The following AGA variants were observed in gnomAD, a reference collection of about 807,000 sequenced individuals.
AGA encodes the protein N(4)-(beta-N-acetylglucosaminyl)-L-asparaginase.
Under a neutral mutation model 40.1 loss-of-function variants are expected in AGA, and 31 were observed. That is an observed-to-expected ratio of 0.77 (90% CI 0.58 to 1.04). AGA has a LOEUF of 1.04. AGA is among the 50% of genes least tolerant of loss of function. AGA has a pLI of 0.00. For synonymous variants in AGA, 148 were observed against 144.0 expected, an observed-to-expected ratio of 1.03 and a Z score of -0.20; for missense variants, 445 against 435.4, an observed-to-expected ratio of 1.02 and a Z score of -0.20.
chr4:177,431,619 CAT>C lies in AGA; in HGVS notation c.*87_*88del, dbSNP rs1560944837. ...TATTTTACAAAAAGACTTTAGAACA[CAT>C]GAGGAACACTAGATGATGAGAGTGA... On this transcript the variant is annotated 3_prime_UTR_variant, in exon 9 of 9. Coordinates refer to ENST00000264595, the MANE Select transcript of AGA (RefSeq NM_000027.4). 1 of 1,077,294 alleles carries C rather than the reference CAT, an allele frequency of 9.3e-7. No individual in the cohort carries two copies. Among genetic ancestry groups the C allele is most frequent in the East Asian group, 2.5e-5 (1 of 40,424 alleles). 66.7% of individuals were successfully genotyped at this position (1,077,294 alleles called of 1,614,324 possible).
rs373963391 is a variant in AGA, at chr4:177,434,362, C to T, written c.806+20G>A. 93 of 1,608,100 alleles carry T rather than the reference C, an allele frequency of 5.8e-5. No homozygotes were observed. The highest frequency in any genetic ancestry group is 7.4e-5 in the Non-Finnish European group (87 of 1,174,694). On this transcript the variant is annotated intron_variant, in intron 7 of 8. Transcript: ENST00000264595. ...ATCTTCTCCAAAGGTCTCTAAAATT[C>T]ACAAACTAAGAAGTCATACCTTGGC...
intron 8 of AGA, 116 bp from the exon 9 acceptor site, chr4:177,431,924 C>T: frequency 1.2e-6 from 1 of 852,776 alleles, no homozygotes; most frequent in Non-Finnish European, 1.9e-6. Flanking sequence ...ATGTCTAAGC[C>T]ACATGGAAAT....
At chr4:177,435,606 A>G (rs574347698) in intron 6 of AGA, among the ~76,000 whole-genome samples, 10 of 152,184 alleles carry the variant, frequency 6.6e-5, no homozygotes, top group Non-Finnish European at 1.0e-4. Flanking sequence ...AATTAAATCC[A>G]GAATGCCTTC....
chr4:177,440,650 G>A (rs1331550333), intron 1 of AGA, among the ~76,000 whole-genome samples: 1 of 143,782 alleles, frequency 7.0e-6, no homozygotes, highest in African/African-American at 2.6e-5. Context: ...GCAAGCTGAA[G>A]GTTTTTTTTT....
intron 1 of AGA, among the ~76,000 whole-genome samples, chr4:177,441,241 G>A (rs917876548): frequency 3.3e-5 from 5 of 152,104 alleles, no homozygotes; most frequent in Non-Finnish European, 7.3e-5. Context: ...ACTGTCCCCC[G>A]CCCAGGCTGA....
Position 177,431,203 on chromosome 4 carries a change from C to T in AGA, c.*505G>A, listed in dbSNP as rs1736619389. The T allele has an allele frequency of 2.3e-6, 1 of 441,230 alleles. No homozygotes were observed. Among genetic ancestry groups the T allele is most frequent in the Non-Finnish European group, 4.5e-6 (1 of 222,620 alleles). 27.3% of individuals were successfully genotyped at this position (441,230 alleles called of 1,614,324 possible). On this transcript the variant is annotated 3_prime_UTR_variant, in exon 9 of 9. Coordinates refer to ENST00000264595, the MANE Select transcript of AGA (RefSeq NM_000027.4). Reference sequence around the variant, plus strand: ...AGAGTATCTCATGTTCTATCATCTTCCTTCCTCAAGTTTTTAGGGAATATT... The same window carrying T: ...AGAGTATCTCATGTTCTATCATCTTTCTTCCTCAAGTTTTTAGGGAATATT...
chr4:177,440,522 T>C (rs1171031039), intron 1 of AGA, 96 bp from the exon 2 acceptor site: 2 of 1,348,308 alleles, frequency 1.5e-6, no homozygotes, highest in Admixed American at 2.0e-5. Context: ...CTTTTTCACA[T>C]TTACTGAGTT....
Position 177,431,151 on chromosome 4 carries a change from C to T in AGA, c.*557G>A, listed in dbSNP as rs545130457. On this transcript the variant is annotated 3_prime_UTR_variant, in exon 9 of 9. Coordinates refer to ENST00000264595, the MANE Select transcript of AGA (RefSeq NM_000027.4). The stretch of plus-strand genomic sequence containing the variant: ...AACACAATTGCTCATCAGAAGATAG[C>T]TGTATTTTCTAGTATGTACAAAACA... 2.6e-4 allele frequency: 115 copies of T among 441,626 alleles called. No individual in the cohort carries two copies. Among genetic ancestry groups the T allele is most frequent in the African/African-American group, 2.2e-3 (108 of 49,410 alleles). 27.4% of individuals were successfully genotyped at this position (441,626 alleles called of 1,614,324 possible).
chr4:177,440,604 T>C (rs1736967715), intron 1 of AGA, among the ~76,000 whole-genome samples, 178 bp from the exon 2 acceptor site: 1 of 151,876 alleles, frequency 6.6e-6, no homozygotes, highest in Non-Finnish European at 1.5e-5. Flanking sequence ...ATTATTTAAC[T>C]AGTTATCAGA....
rs1211143576 is a variant in AGA at position 177,436,278 on chromosome 4, A to T, written c.696T>A (p.His232Gln). 1 of 1,609,150 alleles carries T rather than the reference A, an allele frequency of 6.2e-7. No individual in the cohort carries two copies. The highest frequency in any genetic ancestry group is 2.2e-5 in the East Asian group (1 of 44,850). ...TCTGTTCTTTTGGAAACACTAACCC[A>T]TGTATTTTGAATTTTATACCATTTG... ...TSTNGIKFKI[H>Q]GRVGDSPIPG... Residue 232 changes from histidine to glutamine, a missense_variant and splice_region_variant, in exon 6 of 9, where the codon CAT becomes CAA. His to Gln is a conservative substitution (Grantham distance 24, BLOSUM62 0). Coordinates refer to ENST00000264595, the MANE Select transcript of AGA (RefSeq NM_000027.4).
rs1329917593 is a variant in AGA, at chr4:177,436,214, C to T, written c.698+62G>A. On this transcript the variant is annotated intron_variant, in intron 6 of 8. Coordinates refer to ENST00000264595, the MANE Select transcript of AGA (RefSeq NM_000027.4). ...TGTGCTTTGCAACCCCCATAGCACC[C>T]GGCATATATTGCTCTGCATTCAGTG... 2.2e-5 allele frequency: 31 copies of T among 1,380,532 alleles called. 1 individual carries two copies. The highest frequency in any genetic ancestry group is 3.4e-5 in the Admixed American group (2 of 59,582). 85.5% of individuals were successfully genotyped at this position (1,380,532 alleles called of 1,614,324 possible). A position where few individuals can be genotyped will look rare whatever the true frequency, so the allele number is the denominator to read the frequency against.
In AGA at chr4:177,437,918, A is replaced by T. The variant is rs138796160; in HGVS notation, c.508-399T>A. Among the ~76,000 whole-genome samples the T allele has an allele frequency of 3.4e-4, 52 of 152,332 alleles. No individual in the cohort carries two copies. In the East Asian group the frequency reaches 8.7e-3, roughly 25 times the overall value. On this transcript the variant is annotated intron_variant, in intron 4 of 8. Transcript: ENST00000264595. ...CCTTGGCCAAAGAATTCTGAGACTT[A>T]AAGTAAAATATGTTTTAAAAGCTTT...
Position 177,436,280 on chromosome 4 carries a change from G to C in AGA, c.694C>G (p.His232Asp). Reference protein sequence around the residue: ...TSTNGIKFKIHGRVGDSPIPG... With the variant: ...TSTNGIKFKIDGRVGDSPIPG... ...TGTTCTTTTGGAAACACTAACCCATGTATTTTGAATTTTATACCATTTGTA... is the reference window on the plus strand; with the variant it reads ...TGTTCTTTTGGAAACACTAACCCATCTATTTTGAATTTTATACCATTTGTA... Residue 232 changes from histidine to aspartate, a missense_variant, in exon 6 of 9, where the codon CAT (histidine) becomes GAT (aspartate). Physicochemically the swap from His to Asp is moderately conservative, Grantham distance 81. Transcript: ENST00000264595. The C allele has an allele frequency of 1.2e-6, 2 of 1,609,408 alleles. No individual in the cohort carries two copies. The highest frequency in any genetic ancestry group is 1.7e-6 in the Non-Finnish European group (2 of 1,176,196).
intron 8 of AGA, among the ~76,000 whole-genome samples, chr4:177,432,300 G>A (rs898649110): frequency 6.6e-6 from 1 of 152,058 alleles, no homozygotes; most frequent in Non-Finnish European, 1.5e-5. Context: ...ACCTGGGGGA[G>A]GGTCCTCTTT....
chr4:177,440,750 A>G (rs991728408), intron 1 of AGA, among the ~76,000 whole-genome samples: 5 of 152,130 alleles, frequency 3.3e-5, no homozygotes, highest in African/African-American at 9.7e-5. Context: ...CGAAACCACT[A>G]AAAGGCAGTT....
chr4:177,441,640 A>G (rs1435222326), intron 1 of AGA, among the ~76,000 whole-genome samples: 1 of 152,158 alleles, frequency 6.6e-6, no homozygotes, highest in African/African-American at 2.4e-5. Flanking sequence ...AGCTTTTTAA[A>G]GAAAAACAGT....
intron 8 of AGA, 109 bp downstream of exon 8, chr4:177,433,105 G>A: frequency 6.8e-7 from 1 of 1,478,096 alleles, no homozygotes; most frequent in Non-Finnish European, 9.4e-7. Flanking sequence ...CACTTAAGGA[G>A]TCTCTTTTTC....
Position 177,431,591 on chromosome 4 carries a change from G to A in AGA, c.*117C>T, listed in dbSNP as rs1736636028. ...CAATTCAACATAAATTTATTTTTGT[G>A]TTTATTTTACAAAAAGACTTTAGAA... is the stretch of plus-strand genomic sequence containing the variant. On this transcript the variant is annotated 3_prime_UTR_variant, in exon 9 of 9. Transcript: ENST00000264595. 3 of 847,350 alleles carry A rather than the reference G, an allele frequency of 3.5e-6. No individual in the cohort carries two copies. Among genetic ancestry groups the A allele is most frequent in the East Asian group, 5.3e-5 (2 of 37,704 alleles). The allele number at this position is 847,350 out of a possible 1,614,324, so 52.5% of individuals were successfully genotyped here.
chr4:177,441,201 C>T (rs929194315), intron 1 of AGA, among the ~76,000 whole-genome samples: 1 of 152,120 alleles, frequency 6.6e-6, no homozygotes, highest in African/African-American at 2.4e-5. Context: ...CGCAAGTTCC[C>T]TCTTTCAATA....
Sources: allele counts gnomAD v4.1 joint callset (sites outside exome capture counted in the v4.1 genomes callset), GRCh38; gene constraint gnomAD v4.1.1; transcripts MANE v1.5; gene names NCBI Gene and HGNC (gene_info 2026-07-23, HGNC 2026-07-21).